The following SLC22A24 variants were observed in gnomAD, a reference collection of about 807,000 sequenced individuals.
The protein encoded by SLC22A24 is steroid transmembrane transporter SLC22A24.
In SLC22A24, 53 loss-of-function variants were observed where a neutral mutation model predicts 49.8. That is an observed-to-expected ratio of 1.06 (90% CI 0.85 to 1.34). SLC22A24 has a LOEUF of 1.34. SLC22A24 is among the 40% of genes most tolerant of loss of function. SLC22A24 has a pLI of 0.00. For missense variants in SLC22A24, 786 were observed against 675.9 expected, an observed-to-expected ratio of 1.16 and a Z score of -1.81; for synonymous variants, 302 against 256.4, an observed-to-expected ratio of 1.18 and a Z score of -1.70.
At chr11:63,106,284 T>A (rs962914050) in intron 4 of SLC22A24, among the ~76,000 whole-genome samples, 11 of 152,144 alleles carry the variant, frequency 7.2e-5, no homozygotes, top group Non-Finnish European at 1.3e-4. Flanking sequence ...ATGGCTGCAT[T>A]GTATTTCATG....
At position 63,119,326 on chromosome 11, in the gene SLC22A24, C is replaced by T; in HGVS notation, c.516G>A (p.Arg172=). The change falls in exon 3 of 10, where the codon CGG becomes CGA. Residue 172 remains arginine, a synonymous_variant. Coordinates refer to ENST00000612278, the MANE Select transcript of SLC22A24 (RefSeq NM_001136506.2). ...IYGHLSDRVG[R]KIICKLCFLQ... ...GGAAACACAATTTGCATATGATCTT[C>T]CGTCCAACCCTAAGAAATATTAAAC... 1 of 1,534,878 alleles carries T rather than the reference C, an allele frequency of 6.5e-7. No individual in the cohort carries two copies. The highest frequency in any genetic ancestry group is 8.8e-7 in the Non-Finnish European group (1 of 1,142,148).
rs754323149 is a variant in SLC22A24, at chr11:63,080,990, G to A, written c.1528C>T (p.Pro510Ser). The change falls in exon 9 of 10, where the codon CCT (proline) becomes TCT (serine). Residue 510 changes from proline (P) to serine (S), a missense_variant. By Grantham distance (74) the Pro-to-Ser change is moderately conservative. Coordinates refer to ENST00000612278, the MANE Select transcript of SLC22A24 (RefSeq NM_001136506.2). The part of the protein sequence containing the change: ...SYGVFPILAV[P>S]VILLLPETRD... ...GTTTCTGGAAGGAGGAGGATAACAG[G>A]GACAGCAAGGATGGGGAAGACTCCA... is the stretch of plus-strand genomic sequence containing the variant. 3 of 1,552,084 alleles carry A rather than the reference G, an allele frequency of 1.9e-6. No individual in the cohort carries two copies. Among genetic ancestry groups the A allele is most frequent in the South Asian group, 1.2e-5 (1 of 84,058 alleles).
chr11:63,128,327 C>G (rs553098512), intron 2 of SLC22A24, among the ~76,000 whole-genome samples: 1 of 152,158 alleles, frequency 6.6e-6, no homozygotes, highest in South Asian at 2.1e-4. Flanking sequence ...TGGGAAGACA[C>G]CTGTTACCTA....
In SLC22A24 at chr11:63,143,571, T is replaced by A. The variant is rs751578415; in HGVS notation, c.209A>T (p.Asp70Val). ...SDNDTGTLSK[D>V]DLLRISIPLD... is the part of the protein sequence containing the mutation. Reference sequence around the variant, plus strand: ...TGGGATGGAGATTCTCAGGAGGTCATCCTTGCTGAGGGTCCCGGTATCATT... The same window carrying A: ...TGGGATGGAGATTCTCAGGAGGTCAACCTTGCTGAGGGTCCCGGTATCATT... Residue 70 changes from aspartate to valine, a missense_variant, in exon 1 of 10, where the codon GAT (aspartate) becomes GTT (valine). Transcript: ENST00000612278. The A allele has an allele frequency of 4.5e-6, 7 of 1,570,826 alleles. No homozygotes were observed. Among genetic ancestry groups the A allele is most frequent in the Non-Finnish European group, 6.0e-6 (7 of 1,160,096 alleles).
At chr11:63,115,396 C>T (rs1258091017) in intron 4 of SLC22A24, among the ~76,000 whole-genome samples, 2 of 152,240 alleles carry the variant, frequency 1.3e-5, no homozygotes, top group East Asian at 1.9e-4. Context: ...ATCTCCTGGT[C>T]TGCTGGTTGC....
At chr11:63,134,445 C>A (rs1323720597) in intron 2 of SLC22A24, among the ~76,000 whole-genome samples, 1 of 152,132 alleles carries the variant, frequency 6.6e-6, no homozygotes, top group Non-Finnish European at 1.5e-5. Flanking sequence ...CTTTTTCTGT[C>A]CTCTTTTATT....
chr11:63,132,182 A>C (rs188679726), intron 2 of SLC22A24, among the ~76,000 whole-genome samples: 1 of 152,334 alleles, frequency 6.6e-6, no homozygotes, highest in Admixed American at 6.5e-5. Context: ...CCATTCGTCT[A>C]ACCTTTTTTC....
chr11:63,080,864 ACAGCTACAG>A, intron 9 of SLC22A24, 47 bp downstream of exon 9: 1 of 1,449,716 alleles, frequency 6.9e-7, no homozygotes, highest in Middle Eastern at 2.4e-4. Flanking sequence ...TTCTCATTAA[ACAGCTACAG>A]CACATAGCCA....
chr11:63,127,279 A>G (rs10466668), intron 2 of SLC22A24, among the ~76,000 whole-genome samples: 117,285 of 151,982 alleles, frequency 0.77, 47,035 homozygotes, highest in East Asian at 0.9. Flanking sequence ...GTTTCCAGCT[A>G]CATTCAAGTC....
chr11:63,143,876 G>T lies in SLC22A24; in HGVS notation c.-97C>A. ...TCCCCTTTCACAAAGTTACCATAGT[G>T]CCATGTGGATCCTGACACTGCTTTC... On this transcript the variant is annotated 5_prime_UTR_variant, in exon 1 of 10. Coordinates refer to ENST00000612278, the MANE Select transcript of SLC22A24 (RefSeq NM_001136506.2). 1 of 1,056,498 alleles carries T rather than the reference G, an allele frequency of 9.5e-7. No individual in the cohort carries two copies. Among genetic ancestry groups the T allele is most frequent in the Non-Finnish European group, 1.2e-6 (1 of 806,756 alleles). 65.4% of individuals were successfully genotyped at this position (1,056,498 alleles called of 1,614,324 possible). A position where few individuals can be genotyped will look rare whatever the true frequency, so the allele number is the denominator to read the frequency against.
chr11:63,125,492 C>A (rs1018884022), intron 2 of SLC22A24, among the ~76,000 whole-genome samples: 3 of 152,084 alleles, frequency 2.0e-5, no homozygotes, highest in Non-Finnish European at 4.4e-5. Context: ...TGAACTCATC[C>A]TTTTTTATGG....
rs1250567762 is a variant in SLC22A24 at position 63,113,047 on chromosome 11, TATATATAC to T, written c.830+5857_830+5864del. Among the ~76,000 whole-genome samples, 6 of 5,650 alleles carry T rather than the reference TATATATAC, an allele frequency of 1.1e-3. 2 individuals carry two copies. The highest frequency in any genetic ancestry group is 1.5e-3 in the Non-Finnish European group (1 of 656). The allele number at this position is 5,650 out of a possible 152,430, so 3.7% of individuals were successfully genotyped here. ...AAAAAAAAAAAAAAATATATATATATATATATACATATATATATATACATATATATACA... is the reference window on the plus strand; with the variant it reads ...AAAAAAAAAAAAAAATATATATATATATATATATATATACATATATATACA... On this transcript the variant is annotated intron_variant, in intron 4 of 9. Transcript: ENST00000612278.
chr11:63,087,062 GGAGA>G lies in SLC22A24; in HGVS notation c.1071-3609_1071-3606del, dbSNP rs139630125. On this transcript the variant is annotated intron_variant, in intron 6 of 9. Coordinates refer to ENST00000612278, the MANE Select transcript of SLC22A24 (RefSeq NM_001136506.2). The stretch of plus-strand genomic sequence containing the variant: ...CACACACACACACACACACACAGAG[GGAGA>G]GAGAGAGAGAGAGAGAGAAACCCAA... 7.7e-3 allele frequency among the ~76,000 whole-genome samples: 1,054 copies of G among 137,048 alleles called. 15 individuals are homozygous for G. Among genetic ancestry groups the G allele is most frequent in the African/African-American group, 0.027 (997 of 36,342 alleles). 89.9% of individuals were successfully genotyped at this position (137,048 alleles called of 152,430 possible). A position where few individuals can be genotyped will look rare whatever the true frequency, so the allele number is the denominator to read the frequency against.
At chr11:63,103,983 C>T (rs944552163) in intron 5 of SLC22A24, among the ~76,000 whole-genome samples, 192 bp downstream of exon 5, 13 of 152,130 alleles carry the variant, frequency 8.5e-5, no homozygotes, top group African/African-American at 2.9e-4. Context: ...ATTATATCCA[C>T]TTCTCCCAGT....
chr11:63,134,528 CT>C (rs1237500184), intron 2 of SLC22A24, 136 bp downstream of exon 2: 10 of 570,246 alleles, frequency 1.8e-5, no homozygotes, highest in Middle Eastern at 4.7e-4. Flanking sequence ...TCAGCTGTAG[CT>C]TCCTGGAGTC....
intron 2 of SLC22A24, among the ~76,000 whole-genome samples, chr11:63,128,539 G>A (rs1401667325): frequency 6.6e-6 from 1 of 152,188 alleles, no homozygotes; most frequent in Non-Finnish European, 1.5e-5. Flanking sequence ...TGTTTCAGCG[G>A]TCATGCTCCT....
intron 2 of SLC22A24, among the ~76,000 whole-genome samples, chr11:63,125,826 C>T (rs1360047988): frequency 1.3e-5 from 2 of 152,132 alleles, no homozygotes; most frequent in African/African-American, 4.8e-5. Context: ...CTGTTGTTTC[C>T]TGACTTTTTA....
At position 63,099,166 on chromosome 11, in the gene SLC22A24, T is replaced by A. The variant is rs188747033; in HGVS notation, c.955-3060A>T. ...GCACAGGAACTGATGATTTCGCTGA[T>A]GCATGTTAACAAATATTTATTGGTT... On this transcript the variant is annotated intron_variant, in intron 5 of 9. Coordinates refer to ENST00000612278, the MANE Select transcript of SLC22A24 (RefSeq NM_001136506.2). 2.0e-3 allele frequency among the ~76,000 whole-genome samples: 304 copies of A among 152,068 alleles called. 3 individuals are homozygous for A. The highest frequency in any genetic ancestry group is 3.8e-3 in the Non-Finnish European group (261 of 67,994).
chr11:63,086,423 A>T (rs2086987354), intron 6 of SLC22A24, among the ~76,000 whole-genome samples: 1 of 152,192 alleles, frequency 6.6e-6, no homozygotes, highest in Non-Finnish European at 1.5e-5. Flanking sequence ...TCCTAACTGA[A>T]CTAACACAGA....
Sources: gnomAD v4.1 joint callset for allele counts (sites outside exome capture counted in the v4.1 genomes callset) on GRCh38, gnomAD v4.1.1 for gene constraint, MANE v1.5 for transcripts, NCBI Gene and HGNC (gene_info 2026-07-23, HGNC 2026-07-21) for gene names.